ARHGAP10: variants seen among roughly 807,000 people sequenced by gnomAD.
ARHGAP10 encodes the protein rho GTPase-activating protein 10.
In ARHGAP10, 87 loss-of-function variants were observed where a neutral mutation model predicts 108.6. The ratio of observed to expected loss-of-function variants is 0.80; its 90% confidence interval spans 0.67 to 0.96. The LOEUF (loss-of-function observed/expected upper bound fraction) is 0.96, where lower values mean the gene tolerates loss of function less well. ARHGAP10 is among the 40% of genes least tolerant of loss of function. The probability of loss-of-function intolerance (pLI) is 0.00; values close to 1 mark genes in which losing one functional copy is unlikely to be tolerated. For synonymous variants in ARHGAP10, 347 were observed against 341.1 expected, an observed-to-expected ratio of 1.02 and a Z score of -0.19; for missense variants, 939 against 954.5, an observed-to-expected ratio of 0.98 and a Z score of 0.21.
At chr4:148,018,836 A>C (rs1271183292) in intron 18 of ARHGAP10, among the ~76,000 whole-genome samples, 1 of 152,110 alleles carries the variant, frequency 6.6e-6, no homozygotes, top group Non-Finnish European at 1.5e-5. Flanking sequence ...TCAGATGCCA[A>C]CTCTACCATT....
chr4:147,956,699 T>G (rs1738797147), intron 16 of ARHGAP10, among the ~76,000 whole-genome samples: 1 of 151,982 alleles, frequency 6.6e-6, no homozygotes, highest in Non-Finnish European at 1.5e-5. Flanking sequence ...CTAGAATCCT[T>G]TGAGAATTAG....
chr4:147,932,614 C>G lies in ARHGAP10; in HGVS notation c.1229-7211C>G, dbSNP rs571082949. On this transcript the variant is annotated intron_variant, in intron 13 of 22. Transcript: ENST00000336498. ...TGGGAGCTAAATAATAACACATGGA[C>G]ACATGGGGGGAACAACACACACTGG... 3.5e-5 allele frequency among the ~76,000 whole-genome samples: 5 copies of G among 143,766 alleles called. No homozygotes were observed. In the East Asian group the frequency reaches 1.0e-3, roughly 30 times the overall value. The allele number at this position is 143,766 out of a possible 152,430, so 94.3% of individuals were successfully genotyped here.
rs1730215174 is a variant in ARHGAP10 at position 148,072,208 on chromosome 4, TCAC to T, written c.*128_*130del. 10 of 431,850 alleles carry T rather than the reference TCAC, an allele frequency of 2.3e-5. No individual in the cohort carries two copies. The highest frequency in any genetic ancestry group is 4.1e-5 in the Non-Finnish European group (10 of 244,332). The allele number at this position is 431,850 out of a possible 1,614,324, so 26.8% of individuals were successfully genotyped here. A position where few individuals can be genotyped will look rare whatever the true frequency, so the allele number is the denominator to read the frequency against. On this transcript the variant is annotated 3_prime_UTR_variant, in exon 23 of 23. Transcript: ENST00000336498. ...CCTCCACACTTGGGAGTTACCATCA[TCAC>T]AGTCAGCCCTGGGGGTGGGGGGTGG...
At chr4:147,803,355 G>T (rs1731655680) in intron 1 of ARHGAP10, among the ~76,000 whole-genome samples, 1 of 152,046 alleles carries the variant, frequency 6.6e-6, no homozygotes, top group Non-Finnish European at 1.5e-5. Flanking sequence ...CATGTTTATG[G>T]GATACATGTG....
chr4:147,968,255 G>A (rs1055573628), intron 18 of ARHGAP10, among the ~76,000 whole-genome samples: 6 of 152,296 alleles, frequency 3.9e-5, no homozygotes, highest in South Asian at 2.1e-4. Context: ...CCTCTCTCCC[G>A]CTGTCTCAAG....
chr4:147,820,062 A>G (rs544923201), intron 1 of ARHGAP10, among the ~76,000 whole-genome samples: 8 of 152,202 alleles, frequency 5.3e-5, no homozygotes, highest in African/African-American at 1.9e-4. Context: ...CACGGTGCCT[A>G]GGACTAGCCC....
At chr4:147,915,843 C>A (rs1290590429) in intron 13 of ARHGAP10, among the ~76,000 whole-genome samples, 1 of 152,128 alleles carries the variant, frequency 6.6e-6, no homozygotes, top group Non-Finnish European at 1.5e-5. Context: ...CTGGCTCACA[C>A]CTATAATCCC....
intron 18 of ARHGAP10, among the ~76,000 whole-genome samples, chr4:148,009,241 C>T (rs1741077794): frequency 6.6e-6 from 1 of 151,752 alleles, no homozygotes; most frequent in Non-Finnish European, 1.5e-5. Flanking sequence ...AAGTGATTCT[C>T]CTGCCTCAGC....
At chr4:147,909,618 C>A in intron 11 of ARHGAP10, 114 bp from the exon 12 acceptor site, 1 of 865,736 alleles carries the variant, frequency 1.2e-6, no homozygotes. Context: ...ATCACATTAA[C>A]CAGAATCAAG....
chr4:147,796,021 G>GT (rs958627568), intron 1 of ARHGAP10, among the ~76,000 whole-genome samples: 6 of 151,952 alleles, frequency 3.9e-5, no homozygotes, highest in African/African-American at 9.7e-5. Flanking sequence ...ACAATATTAT[G>GT]TTTTTTTGCT....
intron 19 of ARHGAP10, among the ~76,000 whole-genome samples, chr4:148,026,028 G>A (rs888974200): frequency 6.6e-6 from 1 of 152,132 alleles, no homozygotes; most frequent in African/African-American, 2.4e-5. Context: ...ATTAAATACA[G>A]GATGAATAGT....
At chr4:147,914,498 T>C (rs1340515414) in intron 13 of ARHGAP10, among the ~76,000 whole-genome samples, 1 of 151,732 alleles carries the variant, frequency 6.6e-6, no homozygotes, top group Non-Finnish European at 1.5e-5. Context: ...ACTGGAATTA[T>C]AGACATGAGC....
chr4:147,928,950 G>C (rs1222696456), intron 13 of ARHGAP10, among the ~76,000 whole-genome samples: 1 of 152,218 alleles, frequency 6.6e-6, no homozygotes, highest in East Asian at 1.9e-4. Flanking sequence ...AGATGAAGAA[G>C]CTGAGCACAG....
intron 19 of ARHGAP10, among the ~76,000 whole-genome samples, chr4:148,032,813 A>T (rs143781026): frequency 1.6e-3 from 242 of 152,294 alleles, no homozygotes; most frequent in African/African-American, 5.3e-3. Flanking sequence ...TAAGTCCAGG[A>T]GTCCAAATCT....
At chr4:147,771,773 C>T (rs1339717378) in intron 1 of ARHGAP10, among the ~76,000 whole-genome samples, 1 of 152,030 alleles carries the variant, frequency 6.6e-6, no homozygotes, top group African/African-American at 2.4e-5. Flanking sequence ...TTCCTCGCCT[C>T]CACTCTTGCA....
chr4:147,836,449 A>G (rs1381207742), intron 3 of ARHGAP10, among the ~76,000 whole-genome samples: 2 of 152,206 alleles, frequency 1.3e-5, no homozygotes, highest in Admixed American at 1.3e-4. Context: ...TGATAATTGA[A>G]CTAGTCGATT....
At chr4:147,862,347 A>T (rs999999935) in intron 5 of ARHGAP10, 9 of 152,520 alleles carry the variant, frequency 5.9e-5, no homozygotes, top group African/African-American at 2.2e-4. Flanking sequence ...CTGGTGGGGC[A>T]GTGGGCCTTC....
intron 20 of ARHGAP10, among the ~76,000 whole-genome samples, chr4:148,048,777 A>G (rs762126713): frequency 2.0e-5 from 3 of 152,198 alleles, no homozygotes; most frequent in Non-Finnish European, 4.4e-5. Context: ...CCAACACTCA[A>G]TTCACAACAC....
At chr4:148,036,066 C>CTGTGTGTGTG (rs61692055) in intron 19 of ARHGAP10, among the ~76,000 whole-genome samples, 339 of 142,870 alleles carry the variant, frequency 2.4e-3, no homozygotes, top group African/African-American at 7.7e-3. Flanking sequence ...GGAGCTGCCT[C>CTGTGTGTGTG]TGTGTGTGTG....
Sources: allele counts gnomAD v4.1 joint callset (sites outside exome capture counted in the v4.1 genomes callset), GRCh38; gene constraint gnomAD v4.1.1; transcripts MANE v1.5; gene names NCBI Gene and HGNC (gene_info 2026-07-23, HGNC 2026-07-21).